Variants in SCAF8 observed in about 807,000 individuals in gnomAD.
The protein encoded by SCAF8 is SR-related and CTD-associated factor 8.
In SCAF8, 23 loss-of-function variants were observed where a neutral mutation model predicts 140.5. That is an observed-to-expected ratio of 0.16 (90% CI 0.12 to 0.23). SCAF8 has a LOEUF of 0.23. Ranked by LOEUF, SCAF8 falls within the 10% of genes least tolerant of loss-of-function variation. The pLI is 1.00. For missense variants in SCAF8, 1,397 were observed against 1,555.7 expected, an observed-to-expected ratio of 0.90 and a Z score of 1.72; for synonymous variants, 575 against 528.9, an observed-to-expected ratio of 1.09 and a Z score of -1.20.
At chr6:154,791,196 A>G (rs1159122676) in intron 4 of SCAF8, among the ~76,000 whole-genome samples, 1 of 152,226 alleles carries the variant, frequency 6.6e-6, no homozygotes, top group African/African-American at 2.4e-5. Context: ...TAAAACTTTA[A>G]TACAACCAAG....
At chr6:154,757,332 G>A (rs1390059826) in intron 1 of SCAF8, among the ~76,000 whole-genome samples, 1 of 152,088 alleles carries the variant, frequency 6.6e-6, no homozygotes, top group Non-Finnish European at 1.5e-5. Flanking sequence ...TATTGGCATA[G>A]GATTATAGAT....
intron 1 of SCAF8, among the ~76,000 whole-genome samples, chr6:154,753,847 T>G (rs914617879): frequency 1.5e-4 from 23 of 152,176 alleles, no homozygotes; most frequent in Non-Finnish European, 3.2e-4. Flanking sequence ...ACCTTATTAC[T>G]ATTAATTTAA....
intron 1 of SCAF8, among the ~76,000 whole-genome samples, chr6:154,761,102 G>A (rs1298403538): frequency 1.3e-5 from 2 of 151,998 alleles, no homozygotes; most frequent in Admixed American, 6.6e-5. Context: ...CATTGTGCTT[G>A]GCTCTAAGCA....
In SCAF8 at chr6:154,734,572, G is replaced by A. The variant is rs566151140; in HGVS notation, c.30+642G>A. Among the ~76,000 whole-genome samples the A allele has an allele frequency of 4.5e-4, 68 of 152,290 alleles. No individual in the cohort carries two copies. In the South Asian group the frequency reaches 0.013, roughly 29 times the overall value. On this transcript the variant is annotated intron_variant, in intron 1 of 19. Coordinates refer to ENST00000367178, the MANE Select transcript of SCAF8 (RefSeq NM_014892.5). ...CATCACGACATAAAGACAAATGGTAGGGAGAGATCTGTGCATCGAGAGATG... is the reference window on the plus strand; with the variant it reads ...CATCACGACATAAAGACAAATGGTAAGGAGAGATCTGTGCATCGAGAGATG...
At chr6:154,757,367 G>T (rs189466020) in intron 1 of SCAF8, among the ~76,000 whole-genome samples, 287 of 152,274 alleles carry the variant, frequency 1.9e-3, no homozygotes, top group African/African-American at 5.3e-3. Flanking sequence ...CTTGTCAAAA[G>T]TAAAGTTCTG....
chr6:154,800,667 TAGTA>T lies in SCAF8; in HGVS notation c.607-1301_607-1298del, dbSNP rs570465116. On this transcript the variant is annotated intron_variant, in intron 6 of 19. Transcript: ENST00000367178. ...AAAGGAGGGTAATGATTATGAAAAA[TAGTA>T]AGGTTGTATACTTTCTGAAAATACA... 1.2e-3 allele frequency among the ~76,000 whole-genome samples: 183 copies of T among 151,262 alleles called. 6 individuals are homozygous for T. The highest frequency in any genetic ancestry group is 1.6e-3 in the Non-Finnish European group (108 of 67,668).
At chr6:154,781,653 T>G (rs935499086) in intron 3 of SCAF8, among the ~76,000 whole-genome samples, 1 of 152,202 alleles carries the variant, frequency 6.6e-6, no homozygotes, top group Non-Finnish European at 1.5e-5. Flanking sequence ...CTGAGTAGTA[T>G]TTCAGGGTAT....
chr6:154,824,411 A>G (rs748919627), intron 17 of SCAF8, 33 bp downstream of exon 17: 18 of 1,564,716 alleles, frequency 1.2e-5, no homozygotes, highest in Non-Finnish European at 1.5e-5. Flanking sequence ...TTTGAACTCT[A>G]TTTAGATTAT....
At chr6:154,807,570 C>CG (rs1168266931) in intron 9 of SCAF8, among the ~76,000 whole-genome samples, 2 of 152,098 alleles carry the variant, frequency 1.3e-5, no homozygotes, top group African/African-American at 4.8e-5. Flanking sequence ...TCAGTAGAGA[C>CG]GGGTTTCACC....
chr6:154,831,889 G>T (rs753719380), intron 19 of SCAF8, 50 bp from the exon 20 acceptor site: 2 of 1,493,268 alleles, frequency 1.3e-6, no homozygotes, highest in African/African-American at 1.4e-5. Flanking sequence ...AAAATTATTG[G>T]AAACTTTTGA....
intron 3 of SCAF8, among the ~76,000 whole-genome samples, chr6:154,785,269 T>G (rs890958243): frequency 6.6e-6 from 1 of 152,288 alleles, no homozygotes; most frequent in South Asian, 2.1e-4. Context: ...TTTCTAGTTT[T>G]TGCAATTCTG....
Position 154,733,887 on chromosome 6 carries a change from T to G in SCAF8, c.-14T>G. The G allele has an allele frequency of 6.5e-7, 1 of 1,543,704 alleles. No homozygotes were observed. The highest frequency in any genetic ancestry group is 8.7e-7 in the Non-Finnish European group (1 of 1,150,512). Reference sequence around the variant, plus strand: ...CTCTTCCGCCGCCGGGCTCGGGGCCTCCGCAGCGACAACATGGAGGCCGTG... The same window carrying G: ...CTCTTCCGCCGCCGGGCTCGGGGCCGCCGCAGCGACAACATGGAGGCCGTG... On this transcript the variant is annotated 5_prime_UTR_variant, in exon 1 of 20. Transcript: ENST00000367178.
intron 3 of SCAF8, among the ~76,000 whole-genome samples, chr6:154,781,590 A>G (rs1329313063): frequency 6.6e-6 from 1 of 152,232 alleles, no homozygotes; most frequent in African/African-American, 2.4e-5. Context: ...TTCAAACTAT[A>G]CTACAAGGCT....
intron 1 of SCAF8, among the ~76,000 whole-genome samples, chr6:154,757,346 T>C (rs1184618993): frequency 6.6e-6 from 1 of 152,194 alleles, no homozygotes; most frequent in Non-Finnish European, 1.5e-5. Context: ...TATAGATACA[T>C]GATTGCAAAA....
At chr6:154,740,695 A>G (rs1046996532) in intron 1 of SCAF8, among the ~76,000 whole-genome samples, 4 of 147,724 alleles carry the variant, frequency 2.7e-5, no homozygotes, top group Admixed American at 2.1e-4. Context: ...TCAAGGGCTC[A>G]CTGCAACCTC....
intron 1 of SCAF8, among the ~76,000 whole-genome samples, chr6:154,766,567 A>G (rs1170633999): frequency 6.6e-6 from 1 of 150,900 alleles, no homozygotes; most frequent in African/African-American, 2.4e-5. Flanking sequence ...TTCTTCATCA[A>G]GTTGTCTTCT....
intron 1 of SCAF8, among the ~76,000 whole-genome samples, chr6:154,759,729 G>A (rs889660745): frequency 1.3e-5 from 2 of 148,596 alleles, no homozygotes; most frequent in African/African-American, 2.5e-5. Context: ...GAAGTGGTGC[G>A]ATCTTGGCTC....
chr6:154,826,170 ATAACTTTATTTTAAATATTGAAAAGTT>A (rs371888299), intron 17 of SCAF8, among the ~76,000 whole-genome samples: 20 of 152,262 alleles, frequency 1.3e-4, no homozygotes, highest in African/African-American at 4.8e-4. Flanking sequence ...ACAGATTTTA[ATAACTTTATTTTAAATATTGAAAAGTT>A]TAATTTTCTG....
At chr6:154,772,550 G>A (rs994698605) in intron 1 of SCAF8, among the ~76,000 whole-genome samples, 6 of 152,098 alleles carry the variant, frequency 3.9e-5, no homozygotes, top group Non-Finnish European at 5.9e-5. Context: ...ATTAGCCCAT[G>A]TGGTGGCGTG....
Sources: allele counts gnomAD v4.1 joint callset (sites outside exome capture counted in the v4.1 genomes callset), GRCh38; gene constraint gnomAD v4.1.1; transcripts MANE v1.5; gene names NCBI Gene and HGNC (gene_info 2026-07-23, HGNC 2026-07-21).